Variants in CCM2 observed in about 807,000 individuals in gnomAD.
CCM2 encodes CCM2 scaffold protein, also known as cerebral cavernous malformations 2 protein.
CCM2 carries 25 observed loss-of-function variants against 44.9 expected under a neutral mutation model. The observed-to-expected ratio is 0.56, with a 90% CI of 0.41 to 0.78. The LOEUF (loss-of-function observed/expected upper bound fraction) is 0.78, where lower values mean the gene tolerates loss of function less well. Ranked by LOEUF, CCM2 falls within the 30% of genes least tolerant of loss-of-function variation. The pLI is 0.00. For synonymous variants in CCM2, 219 were observed against 241.1 expected (o/e 0.91, Z 0.85); for missense variants, 481 against 580.6 (o/e 0.83, Z 1.76).
intron 1 of CCM2, among the ~76,000 whole-genome samples, chr7:45,017,381 G>A (rs959191342): frequency 1.3e-5 from 2 of 152,228 alleles, no homozygotes; most frequent in African/African-American, 2.4e-5. Flanking sequence ...TCAGGAGAGA[G>A]TTACTGAAGT....
At chr7:45,046,122 A>T (rs531281286) in intron 2 of CCM2, among the ~76,000 whole-genome samples, 1 of 152,350 alleles carries the variant, frequency 6.6e-6, no homozygotes, top group South Asian at 2.1e-4. Context: ...CCAATATGAA[A>T]TAATTTGAAT....
rs538802218 is a variant in CCM2 at position 45,051,856 on chromosome 7, C to T, written c.205-12062C>T. Among the ~76,000 whole-genome samples the T allele has an allele frequency of 5.2e-4, 79 of 151,478 alleles. 1 individual carries two copies. The highest frequency in any genetic ancestry group is 3.4e-3 in the Middle Eastern group (1 of 290). On this transcript the variant is annotated intron_variant, in intron 2 of 9. Coordinates refer to ENST00000258781, the MANE Select transcript of CCM2 (RefSeq NM_031443.4). ...GATTATAGGCATGAGCCACTGCGCC[C>T]GGCCACGCCTGGCTAATTTTTTGTA...
intron 2 of CCM2, among the ~76,000 whole-genome samples, chr7:45,045,305 T>C (rs904492950): frequency 6.6e-6 from 1 of 152,200 alleles, no homozygotes; most frequent in Non-Finnish European, 1.5e-5. Context: ...ACTTTTGTAT[T>C]GATTTCCATA....
chr7:45,074,542 G>C (rs1799251802), intron 9 of CCM2, 134 bp downstream of exon 9: 2 of 756,646 alleles, frequency 2.6e-6, no homozygotes, highest in Non-Finnish European at 4.7e-6. Context: ...TTGAACCAGA[G>C]ATGGCATGAG....
At chr7:45,071,299 T>A (rs1799059602) in intron 6 of CCM2, 2 of 151,842 alleles carry the variant, frequency 1.3e-5, no homozygotes, top group African/African-American at 4.8e-5. Flanking sequence ...CTTTAATAAT[T>A]TTTTTTTTAC....
chr7:45,033,487 AG>A (rs1310194509), intron 1 of CCM2, among the ~76,000 whole-genome samples: 2 of 152,228 alleles, frequency 1.3e-5, no homozygotes, highest in Non-Finnish European at 2.9e-5. Context: ...GGCAGCTTTC[AG>A]AAGAGCCAAC....
At chr7:45,012,766 G>A (rs535507083) in intron 1 of CCM2, among the ~76,000 whole-genome samples, 3 of 151,488 alleles carry the variant, frequency 2.0e-5, no homozygotes, top group East Asian at 1.9e-4. Flanking sequence ...TGCCCAGGTC[G>A]TCTCAAACTC....
intron 2 of CCM2, among the ~76,000 whole-genome samples, chr7:45,058,753 A>G (rs945105840): frequency 6.6e-6 from 1 of 151,902 alleles, no homozygotes; most frequent in African/African-American, 2.4e-5. Flanking sequence ...ATTTTTCTTT[A>G]GCCAGTTGAT....
chr7:45,065,421 A>C (rs924982774), intron 4 of CCM2, among the ~76,000 whole-genome samples: 1 of 152,196 alleles, frequency 6.6e-6, no homozygotes, highest in Non-Finnish European at 1.5e-5. Context: ...GTTGATCCCA[A>C]AGCCTTTCAT....
intron 1 of CCM2, among the ~76,000 whole-genome samples, chr7:45,009,839 A>G (rs1235947834): frequency 6.6e-6 from 1 of 152,116 alleles, no homozygotes; most frequent in Non-Finnish European, 1.5e-5. Context: ...ATTAGCATGC[A>G]TGTCATTAAC....
upstream of CCM2, chr7:44,999,753 G>A (rs912824178): frequency 8.9e-6 from 4 of 450,144 alleles, no homozygotes; most frequent in Non-Finnish European, 1.8e-5. Flanking sequence ...GGCAGGCTGG[G>A]AAGTCGGCCG....
At position 45,076,214 on chromosome 7, in the gene CCM2, G is replaced by T. The variant is rs1562922428; in HGVS notation, c.*157G>T. The T allele has an allele frequency of 1.0e-6, 1 of 997,636 alleles. No homozygotes were observed. The highest frequency in any genetic ancestry group is 1.4e-5 in the South Asian group (1 of 72,646). 61.8% of individuals were successfully genotyped at this position (997,636 alleles called of 1,614,324 possible). On this transcript the variant is annotated 3_prime_UTR_variant, in exon 10 of 10. Transcript: ENST00000258781. ...GCGGCCCAGGTCCTCTACTGTGAAG[G>T]AGCAGGGAGCTGCCGAGGGACACGA...
intron 1 of CCM2, among the ~76,000 whole-genome samples, chr7:45,035,510 G>A (rs1797173033): frequency 1.3e-5 from 2 of 152,108 alleles, no homozygotes; most frequent in African/African-American, 4.8e-5. Flanking sequence ...GAACTACTCT[G>A]GGTCTATGAG....
intron 2 of CCM2, among the ~76,000 whole-genome samples, chr7:45,051,951 C>T (rs760783859): frequency 6.6e-6 from 1 of 152,220 alleles, no homozygotes; most frequent in Admixed American, 6.5e-5. Context: ...GTGATCCACC[C>T]GCCTCGGCCT....
At chr7:45,035,149 T>C (rs532735618) in intron 1 of CCM2, among the ~76,000 whole-genome samples, 1 of 152,364 alleles carries the variant, frequency 6.6e-6, no homozygotes, top group East Asian at 1.9e-4. Context: ...GAGCACTTTC[T>C]GTCCCCTCTG....
chr7:45,057,842 T>C (rs1230562399), intron 2 of CCM2, among the ~76,000 whole-genome samples: 1 of 152,256 alleles, frequency 6.6e-6, no homozygotes, highest in African/African-American at 2.4e-5. Flanking sequence ...CCTCACCTTA[T>C]GAAATATAAA....
intron 1 of CCM2, among the ~76,000 whole-genome samples, chr7:45,031,381 CAAAAAA>C (rs35741858): frequency 3.5e-5 from 2 of 57,482 alleles, no homozygotes. Context: ...GACTCCAGGT[CAAAAAA>C]AAAAAAAAAA....
intron 1 of CCM2, among the ~76,000 whole-genome samples, chr7:45,019,258 A>G (rs951257032): frequency 2.6e-5 from 4 of 151,860 alleles, no homozygotes; most frequent in African/African-American, 9.7e-5. Flanking sequence ...TTTTTTAAAT[A>G]TAGATGGAAT....
intron 1 of CCM2, among the ~76,000 whole-genome samples, chr7:45,003,195 C>G (rs1795715953): frequency 6.6e-6 from 1 of 152,128 alleles, no homozygotes; most frequent in African/African-American, 2.4e-5. Context: ...CTTGCCTCAG[C>G]CTCCCGAGTA....
Sources: allele counts gnomAD v4.1 joint callset (sites outside exome capture counted in the v4.1 genomes callset), GRCh38; gene constraint gnomAD v4.1.1; transcripts MANE v1.5; gene names NCBI Gene and HGNC (gene_info 2026-07-23, HGNC 2026-07-21).